The following DLG4 variants were observed in gnomAD, a reference collection of about 807,000 sequenced individuals.
DLG4 encodes discs large MAGUK scaffold protein 4, also known as disks large homolog 4.
Under a neutral mutation model 93.8 loss-of-function variants are expected in DLG4, and 7 were observed. The ratio of observed to expected loss-of-function variants is 0.07; its 90% CI spans 0.04 to 0.14. The LOEUF (loss-of-function observed/expected upper bound fraction) is 0.14. Among genes scored for constraint, DLG4 ranks in the 10% least tolerant of loss-of-function variants. The probability of loss-of-function intolerance (pLI) is 1.00; values close to 1 mark genes in which losing one functional copy is unlikely to be tolerated. For missense variants in DLG4, 545 were observed against 992.9 expected, an observed-to-expected ratio of 0.55 and a Z score of 6.06; for synonymous variants, 341 against 387.6, an observed-to-expected ratio of 0.88 and a Z score of 1.41.
rs1184425958 is a variant in DLG4, at chr17:7,203,212, A to G, written c.623T>C (p.Ile208Thr). 3 of 1,603,982 alleles carry G rather than the reference A, an allele frequency of 1.9e-6. No individual in the cohort carries two copies. In the South Asian group the frequency reaches 3.3e-5, roughly 18 times the overall value. ...GAAHKDGRLQIGDKILAVNSV... is the reference protein window; with the variant it reads ...GAAHKDGRLQTGDKILAVNSV... ...CCTCACCGCCAGGATCTTGTCTCCA[A>G]TCTGCAACCTCCCATCCTTGTGGGC... The change falls in exon 7 of 20, where the codon ATT becomes ACT. Residue 208 changes from isoleucine to threonine, a missense_variant. By Grantham distance (89) the Ile-to-Thr change is moderately conservative. This residue lies in a region of DLG4 where 428 missense variants were observed against 741.4 expected (regional missense o/e 0.58). Transcript: ENST00000399506. The surrounding 1 kb of genome is among the most constrained non-coding windows in gnomAD (Gnocchi z 7.2).
chr17:7,197,590 T>C (rs544996274), intron 8 of DLG4, among the ~76,000 whole-genome samples: 2 of 152,206 alleles, frequency 1.3e-5, no homozygotes, highest in African/African-American at 4.8e-5. Flanking sequence ...GTTCAAGTGA[T>C]TCTCATGCCT....
In DLG4 at chr17:7,191,776, G is replaced by C; in HGVS notation, c.1976+117C>G. The C allele has an allele frequency of 1.4e-6, 1 of 721,266 alleles. No homozygotes were observed. 44.7% of individuals were successfully genotyped at this position (721,266 alleles called of 1,614,324 possible). A position where few individuals can be genotyped will look rare whatever the true frequency, so the allele number is the denominator to read the frequency against. On this transcript the variant is annotated intron_variant, in intron 18 of 19. Transcript: ENST00000399506. This position sits in a 1 kb window ranked among gnomAD's most constrained non-coding sequence, Gnocchi z 6.6. Reference sequence around the variant, plus strand: ...TCTGGGTTCCAGGGATCCCCCTCAGGGGCTGCTGAAACCGCTGTCCAGGGT... The same window carrying C: ...TCTGGGTTCCAGGGATCCCCCTCAGCGGCTGCTGAAACCGCTGTCCAGGGT...
At chr17:7,200,155 C>T (rs1377555512) in intron 8 of DLG4, among the ~76,000 whole-genome samples, 1 of 152,038 alleles carries the variant, frequency 6.6e-6, no homozygotes, top group Non-Finnish European at 1.5e-5. Flanking sequence ...TATTTGTTTC[C>T]AAAATGTCTT....
rs314255 is a variant in DLG4, at chr17:7,187,307, A to C, written c.*3401T>G. On this transcript the variant is annotated 3_prime_UTR_variant, in exon 20 of 20. Transcript: ENST00000399506. ...GTAATCCTAGCACTTTGGGAGGCCG[A>C]GGGGGGGGGGGGTGGATCACCCGAG... Among the ~76,000 whole-genome samples the C allele has an allele frequency of 1.5e-4, 7 of 45,436 alleles. 1 individual carries two copies. Among genetic ancestry groups the C allele is most frequent in the Admixed American group, 6.0e-4 (2 of 3,344 alleles). 29.8% of individuals were successfully genotyped at this position (45,436 alleles called of 152,430 possible). A position where few individuals can be genotyped will look rare whatever the true frequency, so the allele number is the denominator to read the frequency against.
chr17:7,202,518 A>G (rs1194816565), intron 8 of DLG4, among the ~76,000 whole-genome samples: 1 of 152,230 alleles, frequency 6.6e-6, no homozygotes, highest in Non-Finnish European at 1.5e-5. Flanking sequence ...TCTATTCAGA[A>G]GCAAAACGGG....
At chr17:7,218,770 C>T (rs372662664), upstream of DLG4, 2,302 of 1,604,486 alleles carry the variant, frequency 1.4e-3, 41 homozygotes, top group South Asian at 0.024. Flanking sequence ...GAAGGATCTC[C>T]GAGCCCCAGC....
At position 7,191,355 on chromosome 17, in the gene DLG4, C is replaced by T. The variant is rs1409966752; in HGVS notation, c.1980G>A (p.Glu660=). The part of the protein sequence containing the change: ...IRPRSLENVL[E]INKRITEEQA... The stretch of plus-strand genomic sequence containing the variant: ...GCTCCTCTGTGATCCGCTTGTTAAT[C>T]TCTCTGTGAAGAGGGAGGGAGAGCA... Residue 660 remains glutamate, a synonymous_variant, in exon 19 of 20, where the codon GAG becomes GAA. Coordinates refer to ENST00000399506, the MANE Select transcript of DLG4 (RefSeq NM_001321075.3). The surrounding 1 kb of genome is among the most constrained non-coding windows in gnomAD (Gnocchi z 6.6). The T allele has an allele frequency of 6.2e-7, 1 of 1,613,870 alleles. No individual in the cohort carries two copies. The highest frequency in any genetic ancestry group is 1.7e-5 in the Admixed American group (1 of 60,014).
Position 7,190,077 on chromosome 17 carries a change from GAA to G in DLG4, c.*629_*630del, listed in dbSNP as rs5819149. ...CCCTTTTCCCCAAAAAAATTCCCAG[GAA>G]AAAAAAAAAAAAAAGCCACATTTAG... On this transcript the variant is annotated 3_prime_UTR_variant, in exon 20 of 20. Transcript: ENST00000399506. 5.4e-3 allele frequency: 398 copies of G among 73,030 alleles called. 6 individuals carry two copies. Among genetic ancestry groups the G allele is most frequent in the Middle Eastern group, 0.018 (2 of 114 alleles). The allele number at this position is 73,030 out of a possible 1,614,324, so 4.5% of individuals were successfully genotyped here.
intron 1 of DLG4, among the ~76,000 whole-genome samples, chr17:7,209,093 G>A (rs1167694057): frequency 3.3e-5 from 5 of 152,154 alleles, no homozygotes; most frequent in South Asian, 2.1e-4. Context: ...CAGCCTCCCT[G>A]GTTGGGGAGG....
chr17:7,194,686 C>A lies in DLG4; in HGVS notation c.1302-191G>T, dbSNP rs2069677252. 5.9e-5 allele frequency among the ~76,000 whole-genome samples: 9 copies of A among 152,216 alleles called. No individual in the cohort carries two copies. The highest frequency in any genetic ancestry group is 5.9e-4 in the Admixed American group (9 of 15,288). ...TAACAACTATTAGCCATCACTCAGT[C>A]CACACTGAGCACAGTTTCCAGAGGC... On this transcript the variant is annotated intron_variant, in intron 11 of 19. Coordinates refer to ENST00000399506, the MANE Select transcript of DLG4 (RefSeq NM_001321075.3). The surrounding 1 kb of genome is among the most constrained non-coding windows in gnomAD (Gnocchi z 4.4).
chr17:7,218,966 C>A, upstream of DLG4: 1 of 1,122,584 alleles, frequency 8.9e-7, no homozygotes. Flanking sequence ...CCAGCTGTCC[C>A]ATTCCCCCAG....
In DLG4 at chr17:7,196,435, A is replaced by G; in HGVS notation, c.1186+38T>C. The stretch of plus-strand genomic sequence containing the variant: ...CAGCTGAGGAAGAGTTCTAAGGGCC[A>G]TTTCAGCTCACAAGACAAGGAACTT... On this transcript the variant is annotated intron_variant, in intron 10 of 19. Transcript: ENST00000399506. This position sits in a 1 kb window ranked among gnomAD's most constrained non-coding sequence, Gnocchi z 8.3. 6.2e-7 allele frequency: 1 copy of G among 1,611,924 alleles called. No individual in the cohort carries two copies. The highest frequency in any genetic ancestry group is 1.1e-5 in the South Asian group (1 of 91,036).
rs1384657803 is a variant in DLG4, at chr17:7,196,169, G to A, written c.1301+51C>T. On this transcript the variant is annotated intron_variant, in intron 11 of 19. Transcript: ENST00000399506. The surrounding 1 kb of genome is among the most constrained non-coding windows in gnomAD (Gnocchi z 8.3). ...GGCTGAGGCCCGGGCCAGGCACAGA[G>A]TGCCCAGGAACGCAGAGGGGCTGAG... 3 of 1,433,850 alleles carry A rather than the reference G, an allele frequency of 2.1e-6. No homozygotes were observed. In the African/African-American group the frequency reaches 4.2e-5, roughly 20 times the overall value. 88.8% of individuals were successfully genotyped at this position (1,433,850 alleles called of 1,614,324 possible).
At chr17:7,218,345 T>C, upstream of DLG4, 1 of 1,534,770 alleles carries the variant, frequency 6.5e-7, no homozygotes, top group Non-Finnish European at 8.9e-7. Flanking sequence ...ATCACCCCTG[T>C]CATCACCGCT....
In DLG4 at chr17:7,191,460, A is replaced by G. The variant is rs751921445; in HGVS notation, c.1977-102T>C. 2.5e-5 allele frequency: 23 copies of G among 920,564 alleles called. No individual in the cohort carries two copies. The highest frequency in any genetic ancestry group is 7.0e-5 in the African/African-American group (4 of 57,096). The allele number at this position is 920,564 out of a possible 1,614,324, so 57.0% of individuals were successfully genotyped here. On this transcript the variant is annotated intron_variant, in intron 18 of 19. Coordinates refer to ENST00000399506, the MANE Select transcript of DLG4 (RefSeq NM_001321075.3). The surrounding 1 kb of genome is among the most constrained non-coding windows in gnomAD (Gnocchi z 6.6). ...TTAAGTATTCTTCTATTTGGAGCAC[A>G]TAGCAAAAAAAAAAATACAATTCCC...
In DLG4 at chr17:7,194,572, C is replaced by A; in HGVS notation, c.1302-77G>T. Reference sequence around the variant, plus strand: ...ATGCCCCAGTCACCCAAAGACCCGGCCCAGAGGTCTGCAGATGGCACTCCC... The same window carrying A: ...ATGCCCCAGTCACCCAAAGACCCGGACCAGAGGTCTGCAGATGGCACTCCC... On this transcript the variant is annotated intron_variant, in intron 11 of 19. Transcript: ENST00000399506. The surrounding 1 kb of genome is among the most constrained non-coding windows in gnomAD (Gnocchi z 4.4). 2.0e-6 allele frequency: 3 copies of A among 1,485,582 alleles called. No individual in the cohort carries two copies. Among genetic ancestry groups the A allele is most frequent in the Admixed American group, 4.2e-5 (2 of 47,370 alleles). 92.0% of individuals were successfully genotyped at this position (1,485,582 alleles called of 1,614,324 possible). A position where few individuals can be genotyped will look rare whatever the true frequency, so the allele number is the denominator to read the frequency against.
At chr17:7,218,150 C>A, upstream of DLG4, 1 of 1,240,958 alleles carries the variant, frequency 8.1e-7, no homozygotes, top group South Asian at 1.4e-5. Context: ...GCAGGGCCCC[C>A]AAGATTCCAG....
chr17:7,219,230 G>A, upstream of DLG4: 1 of 348,622 alleles, frequency 2.9e-6, no homozygotes, highest in Non-Finnish European at 4.6e-6. Flanking sequence ...AGAAGTTGGG[G>A]TTTTACGGGT....
At chr17:7,217,904 C>T (rs1314092798), upstream of DLG4, 12 of 1,324,064 alleles carry the variant, frequency 9.1e-6, no homozygotes, top group Middle Eastern at 1.8e-4. Context: ...GGAGGCCTCT[C>T]GGCAGGCGGT....
Sources: gnomAD v4.1 joint callset for allele counts (sites outside exome capture counted in the v4.1 genomes callset) on GRCh38, gnomAD v4.1.1 for gene constraint, gnomAD v4.1.1 regional missense constraint, Gnocchi (gnomAD v3.1) non-coding constraint, MANE v1.5 for transcripts, NCBI Gene and HGNC (gene_info 2026-07-23, HGNC 2026-07-21) for gene names.